The following PLCZ1 variants were observed in gnomAD, a reference collection of about 807,000 sequenced individuals.
The protein encoded by PLCZ1 is phospholipase C zeta 1.
A neutral mutation model predicts 76.8 loss-of-function variants in PLCZ1; 64 were observed. The observed-to-expected ratio is 0.83, with a 90% CI of 0.68 to 1.03. PLCZ1 has a LOEUF of 1.03. Among genes scored for constraint, PLCZ1 ranks in the 50% least tolerant of loss-of-function variants. The pLI is 0.00. For missense variants in PLCZ1, 751 were observed against 713.7 expected, an observed-to-expected ratio of 1.05 and a Z score of -0.60; for synonymous variants, 248 against 230.8, an observed-to-expected ratio of 1.07 and a Z score of -0.68.
intron 3 of PLCZ1, chr12:18,735,660 G>A (rs1273915088): frequency 1.3e-5 from 2 of 152,496 alleles, no homozygotes; most frequent in African/African-American, 4.8e-5. Flanking sequence ...ATTTTATGGT[G>A]TATGATTGCT....
intron 3 of PLCZ1, among the ~76,000 whole-genome samples, chr12:18,724,523 T>C (rs1958637807): frequency 1.3e-5 from 2 of 152,102 alleles, no homozygotes; most frequent in South Asian, 2.1e-4. Context: ...GCAAGAAGCA[T>C]GTGTTGAAGG....
chr12:18,661,803 A>G, the PLCZ1 span, among the ~76,000 whole-genome samples: 1 of 152,144 alleles, frequency 6.6e-6, no homozygotes, highest in Non-Finnish European at 1.5e-5. Flanking sequence ...CACCCAAAGG[A>G]ATATAAATTG....
intron 10 of PLCZ1, among the ~76,000 whole-genome samples, chr12:18,696,787 G>A (rs969216939): frequency 6.6e-6 from 1 of 151,990 alleles, no homozygotes; most frequent in Admixed American, 6.6e-5. Flanking sequence ...TGTCCAGTTC[G>A]ACTTCCAATC....
chr12:18,695,011 C>A lies in PLCZ1; in HGVS notation c.1360G>T (p.Gly454Cys), dbSNP rs1954756275. The change falls in exon 12 of 15, where the codon GGT (glycine) becomes TGT (cysteine). Residue 454 changes from glycine (G) to cysteine (C), a missense_variant. Coordinates refer to ENST00000266505, the MANE Select transcript of PLCZ1 (RefSeq NM_033123.4). ...TGTGGTTTCAAAATATATCCAGAAC[C>A]ACCATTATCCAAAAATTTCCCATTT... is the stretch of plus-strand genomic sequence containing the variant. Reference protein sequence around the residue: ...LQNGKFLDNGGSGYILKPHFL... With the variant: ...LQNGKFLDNGCSGYILKPHFL... 1 of 1,612,190 alleles carries A rather than the reference C, an allele frequency of 6.2e-7. No homozygotes were observed. The highest frequency in any genetic ancestry group is 1.3e-5 in the African/African-American group (1 of 74,916).
chr12:18,674,850 A>G, the PLCZ1 span, among the ~76,000 whole-genome samples: 3 of 152,156 alleles, frequency 2.0e-5, no homozygotes, highest in Non-Finnish European at 4.4e-5. Context: ...TTGTCCGCTT[A>G]GAACACTTCC....
intron 4 of PLCZ1, among the ~76,000 whole-genome samples, chr12:18,722,785 C>G (rs769032747): frequency 6.6e-6 from 1 of 151,370 alleles, no homozygotes; most frequent in East Asian, 1.9e-4. Flanking sequence ...GAAGAACAAG[C>G]GAAAAGTATA....
At chr12:18,663,325 C>G in the PLCZ1 span, among the ~76,000 whole-genome samples, 2 of 152,016 alleles carry the variant, frequency 1.3e-5, no homozygotes, top group Non-Finnish European at 2.9e-5. Context: ...TTTAGAAAAC[C>G]ATGAGTCCAG....
chr12:18,696,025 AC>A, intron 11 of PLCZ1, 124 bp downstream of exon 11: 1 of 581,794 alleles, frequency 1.7e-6, no homozygotes. Context: ...TTAGTGCCTG[AC>A]CCCAAAGCCC....
chr12:18,667,077 A>G, the PLCZ1 span, among the ~76,000 whole-genome samples: 1 of 152,156 alleles, frequency 6.6e-6, no homozygotes, highest in Non-Finnish European at 1.5e-5. Context: ...AGTGGGGGGA[A>G]GTTGCCAGAA....
chr12:18,737,109 G>A (rs1260114822), intron 2 of PLCZ1, among the ~76,000 whole-genome samples: 1 of 152,106 alleles, frequency 6.6e-6, no homozygotes, highest in African/African-American at 2.4e-5. Flanking sequence ...GTTTCAGATT[G>A]TTAGAACGAA....
chr12:18,730,151 C>G (rs1345391571), intron 3 of PLCZ1, among the ~76,000 whole-genome samples: 1 of 151,986 alleles, frequency 6.6e-6, no homozygotes, highest in Non-Finnish European at 1.5e-5. Context: ...GTCTTACAGC[C>G]AAGAATCTCT....
At chr12:18,647,558 G>A in the PLCZ1 span, among the ~76,000 whole-genome samples, 1 of 151,840 alleles carries the variant, frequency 6.6e-6, no homozygotes, top group Middle Eastern at 3.4e-3. Context: ...ATATTTATGG[G>A]GTATAAAAGG....
At chr12:18,701,437 C>A (rs756045596) in intron 9 of PLCZ1, 64 bp downstream of exon 9, 1 of 1,606,532 alleles carries the variant, frequency 6.2e-7, no homozygotes, top group South Asian at 1.1e-5. Flanking sequence ...TTAAAAAAAT[C>A]TCCAAGAATA....
rs375519460 is a variant in PLCZ1, at chr12:18,693,703, G to A, written c.1461+1207C>T. 253 of 1,564,126 alleles carry A rather than the reference G, an allele frequency of 1.6e-4. 3 individuals are homozygous for A. The African/African-American group carries it at 2.6e-3, about 16-fold the overall frequency. ...GTGAGAGAGAAATTCAGCGAACAAC[G>A]TTGGAACTGCTGAACCAGTTGGATG... On this transcript the variant is annotated intron_variant, in intron 12 of 14. Coordinates refer to ENST00000266505, the MANE Select transcript of PLCZ1 (RefSeq NM_033123.4).
At chr12:18,685,090 T>C (rs1248439696) in intron 13 of PLCZ1, among the ~76,000 whole-genome samples, 1 of 152,066 alleles carries the variant, frequency 6.6e-6, no homozygotes, top group Non-Finnish European at 1.5e-5. Flanking sequence ...TAGAGCAATA[T>C]GAAAATGGAC....
Position 18,698,981 on chromosome 12 carries a change from G to C in PLCZ1, c.1174+813C>G, listed in dbSNP as rs556744813. Among the ~76,000 whole-genome samples the C allele has an allele frequency of 6.2e-3, 947 of 152,238 alleles. 8 individuals are homozygous for C. Among genetic ancestry groups the C allele is most frequent in the African/African-American group, 0.021 (866 of 41,558 alleles). On this transcript the variant is annotated intron_variant, in intron 10 of 14. Transcript: ENST00000266505. ...ATTAGCAGAGTCACCTGGCTCTTAA[G>C]TTAGTTGCTCATTCCCTTTTAAGTT...
intron 6 of PLCZ1, among the ~76,000 whole-genome samples, chr12:18,707,699 T>C (rs948442736): frequency 2.7e-5 from 4 of 150,000 alleles, no homozygotes; most frequent in African/African-American, 1.0e-4. Context: ...TTATTGTCTA[T>C]GTAATTTCAT....
chr12:18,701,495 C>G lies in PLCZ1; in HGVS notation c.1017+6G>C. On this transcript the variant is annotated splice_donor_region_variant and intron_variant, in intron 9 of 14. Transcript: ENST00000266505. Reference sequence around the variant, plus strand: ...CTTGTAAGATTTTCACAAAACACCACCTCACCTTCTTTTTCTTGAAAAGCA... The same window carrying G: ...CTTGTAAGATTTTCACAAAACACCAGCTCACCTTCTTTTTCTTGAAAAGCA... 1 of 1,613,956 alleles carries G rather than the reference C, an allele frequency of 6.2e-7. No homozygotes were observed. The highest frequency in any genetic ancestry group is 2.2e-5 in the East Asian group (1 of 44,856).
At chr12:18,716,573 T>C (rs538379995) in intron 5 of PLCZ1, among the ~76,000 whole-genome samples, 2 of 152,300 alleles carry the variant, frequency 1.3e-5, no homozygotes, top group East Asian at 3.9e-4. Flanking sequence ...TTTTTTATGA[T>C]CATTGTAAAC....
Sources: gnomAD v4.1 joint callset for allele counts (sites outside exome capture counted in the v4.1 genomes callset) on GRCh38, gnomAD v4.1.1 for gene constraint, MANE v1.5 for transcripts, NCBI Gene and HGNC (gene_info 2026-07-23, HGNC 2026-07-21) for gene names.